Variants in COL5A2 observed in about 807,000 individuals in gnomAD.
COL5A2 encodes collagen alpha-2(V) chain.
In COL5A2, 23 loss-of-function variants were observed where a neutral mutation model predicts 208.2. That is an observed-to-expected ratio of 0.11 (90% CI 0.08 to 0.16). The LOEUF is 0.16. COL5A2 is among the 10% of genes least tolerant of loss of function. The pLI is 1.00. For synonymous variants in COL5A2, 625 were observed against 628.5 expected (o/e 0.99, Z 0.08); for missense variants, 1,590 against 1,956.4 (o/e 0.81, Z 3.53).
At chr2:189,173,404 T>C (rs954837306) in intron 1 of COL5A2, among the ~76,000 whole-genome samples, 5 of 152,222 alleles carry the variant, frequency 3.3e-5, no homozygotes, top group Non-Finnish European at 7.3e-5. Flanking sequence ...AAGGGTTTAG[T>C]TTTTAAAACA....
the COL5A2 span, among the ~76,000 whole-genome samples, chr2:189,394,202 T>A: frequency 6.6e-6 from 1 of 152,102 alleles, no homozygotes; most frequent in Non-Finnish European, 1.5e-5. Flanking sequence ...AAGTAGGTAA[T>A]ATAGTAGGAG....
rs565023897 is a variant in COL5A2, at chr2:189,032,510, C to A, written c.*1560G>T. 8.6e-5 allele frequency: 13 copies of A among 152,014 alleles called. No individual in the cohort carries two copies. The highest frequency in any genetic ancestry group is 3.1e-4 in the African/African-American group (13 of 41,402). 9.4% of individuals were successfully genotyped at this position (152,014 alleles called of 1,614,324 possible). A position where few individuals can be genotyped will look rare whatever the true frequency, so the allele number is the denominator to read the frequency against. On this transcript the variant is annotated 3_prime_UTR_variant, in exon 54 of 54. Transcript: ENST00000374866. ...TCAAAGGAATTTCACAAAACAAAAA[C>A]CACTGACATGACAAAAGCGTGCATT...
the COL5A2 span, among the ~76,000 whole-genome samples, chr2:189,267,757 T>C: frequency 6.6e-6 from 1 of 152,118 alleles, no homozygotes; most frequent in African/African-American, 2.4e-5. Context: ...TATATTTATA[T>C]TTACAGAAAA....
intron 17 of COL5A2, among the ~76,000 whole-genome samples, chr2:189,072,457 T>C (rs1686295858): frequency 6.6e-6 from 1 of 152,110 alleles, no homozygotes; most frequent in African/African-American, 2.4e-5. Context: ...TAGTACTTCA[T>C]TCTATAAAAA....
chr2:189,325,135 G>A, the COL5A2 span, among the ~76,000 whole-genome samples: 32 of 152,132 alleles, frequency 2.1e-4, no homozygotes, highest in African/African-American at 7.7e-4. Flanking sequence ...CTTGGACACG[G>A]GAAGGGGAAC....
chr2:189,310,096 A>G, the COL5A2 span, among the ~76,000 whole-genome samples: 7 of 152,232 alleles, frequency 4.6e-5, no homozygotes, highest in African/African-American at 1.7e-4. Context: ...CAGTGGAAGC[A>G]AAGTTGTATG....
upstream of COL5A2, among the ~76,000 whole-genome samples, chr2:189,181,316 A>G (rs1380590905): frequency 6.6e-6 from 1 of 152,092 alleles, no homozygotes; most frequent in African/African-American, 2.4e-5. Flanking sequence ...TTTCATTTAG[A>G]CATGTCCCAT....
At chr2:189,210,825 C>A (rs896279752) in intron 1 of COL5A2, among the ~76,000 whole-genome samples, 7 of 152,162 alleles carry the variant, frequency 4.6e-5, no homozygotes, top group African/African-American at 1.7e-4. Context: ...TTCTCTGGAA[C>A]AGAGGAGGCA....
rs1032000194 is a variant in COL5A2, at chr2:189,057,322, T to C, written c.2335A>G (p.Arg779Gly). The stretch of plus-strand genomic sequence containing the variant: ...AAAAAAAAAAAAAAAGGACTTACTC[T>C]GTCACCCTTGGGGCCAGGAGTTCCT... The part of the protein sequence containing the change: ...IAGTPGPKGD[R>G]GGIGEKGAEG... Residue 779 changes from arginine to glycine, a missense_variant and splice_region_variant, in exon 34 of 54, where the codon AGA becomes GGA. Coordinates refer to ENST00000374866, the MANE Select transcript of COL5A2 (RefSeq NM_000393.5). 2.8e-6 allele frequency: 4 copies of C among 1,442,352 alleles called. No homozygotes were observed. Among genetic ancestry groups the C allele is most frequent in the African/African-American group, 1.4e-5 (1 of 70,886 alleles). 89.3% of individuals were successfully genotyped at this position (1,442,352 alleles called of 1,614,324 possible).
intron 1 of COL5A2, among the ~76,000 whole-genome samples, chr2:189,167,381 A>G (rs992030727): frequency 6.6e-6 from 1 of 152,236 alleles, no homozygotes; most frequent in Non-Finnish European, 1.5e-5. Context: ...AACTAATTCT[A>G]ATTCAATTTG....
At chr2:189,123,881 A>T (rs1330621420) in intron 1 of COL5A2, among the ~76,000 whole-genome samples, 1 of 152,188 alleles carries the variant, frequency 6.6e-6, no homozygotes, top group African/African-American at 2.4e-5. Flanking sequence ...ATTTAAAAAA[A>T]ATATACGCCC....
At chr2:189,414,933 T>C in the COL5A2 span, among the ~76,000 whole-genome samples, 1 of 152,048 alleles carries the variant, frequency 6.6e-6, no homozygotes, top group Admixed American at 6.6e-5. Context: ...GAAAAGCAAA[T>C]ATCCAAATAT....
the COL5A2 span, among the ~76,000 whole-genome samples, chr2:189,362,861 G>A: frequency 7.9e-5 from 12 of 152,038 alleles, no homozygotes; most frequent in Non-Finnish European, 1.3e-4. Context: ...GAATGAAAAG[G>A]CATATGATAC....
At chr2:189,148,062 C>T (rs1688074200) in intron 1 of COL5A2, among the ~76,000 whole-genome samples, 1 of 152,094 alleles carries the variant, frequency 6.6e-6, no homozygotes, top group South Asian at 2.1e-4. Context: ...GACAAATGAA[C>T]TTCTTTGTGG....
At chr2:189,247,692 G>A in the COL5A2 span, among the ~76,000 whole-genome samples, 2 of 151,092 alleles carry the variant, frequency 1.3e-5, no homozygotes, top group African/African-American at 4.9e-5. Context: ...TGATTCTCAT[G>A]CTTCAGCCTC....
the COL5A2 span, among the ~76,000 whole-genome samples, chr2:189,319,614 G>A: frequency 8.5e-5 from 13 of 152,354 alleles, no homozygotes; most frequent in South Asian, 2.1e-4. Flanking sequence ...AGCCAGGCTC[G>A]GGGAGGGGCG....
chr2:189,422,922 C>T, the COL5A2 span, among the ~76,000 whole-genome samples: 1 of 151,304 alleles, frequency 6.6e-6, no homozygotes, highest in African/African-American at 2.4e-5. Flanking sequence ...ACTCAGGAGG[C>T]TGAGGCAGGA....
At chr2:189,287,222 T>C in the COL5A2 span, among the ~76,000 whole-genome samples, 1 of 151,842 alleles carries the variant, frequency 6.6e-6, no homozygotes, top group Non-Finnish European at 1.5e-5. Context: ...TGAAGTAAAA[T>C]AGCATCTGTG....
chr2:189,243,538 C>T, the COL5A2 span, among the ~76,000 whole-genome samples: 1 of 152,094 alleles, frequency 6.6e-6, no homozygotes, highest in South Asian at 2.1e-4. Context: ...GAAAGACCCA[C>T]CCCTATGATT....
Sources: allele counts gnomAD v4.1 joint callset (sites outside exome capture counted in the v4.1 genomes callset), GRCh38; gene constraint gnomAD v4.1.1; transcripts MANE v1.5; gene names NCBI Gene and HGNC (gene_info 2026-07-23, HGNC 2026-07-21).